The following ASIC2 variants were observed in gnomAD, a reference collection of about 807,000 sequenced individuals.
ASIC2 encodes acid sensing ion channel subunit 2.
A neutral mutation model predicts 57.3 loss-of-function variants in ASIC2; 25 were observed. The observed-to-expected ratio is 0.44, with a 90% CI of 0.32 to 0.61. The LOEUF is 0.61. Among genes scored for constraint, ASIC2 ranks in the 20% least tolerant of loss-of-function variants. The pLI, the probability that ASIC2 is intolerant of heterozygous loss-of-function variation, is 0.06. For missense variants in ASIC2, 641 were observed against 738.1 expected (o/e 0.87, Z 1.52); for synonymous variants, 319 against 307.5 (o/e 1.04, Z -0.39).
At chr17:33,085,888 G>T (rs1026840979) in intron 3 of ASIC2, among the ~76,000 whole-genome samples, 3 of 151,990 alleles carry the variant, frequency 2.0e-5, no homozygotes, top group African/African-American at 7.3e-5. Flanking sequence ...GAGATGATGC[G>T]GAAATGCTTT....
chr17:33,235,199 A>G (rs1004532913), intron 1 of ASIC2, among the ~76,000 whole-genome samples: 8 of 152,188 alleles, frequency 5.3e-5, no homozygotes, highest in Admixed American at 1.3e-4. Flanking sequence ...TCATAGGAAT[A>G]ACCATATACA....
At position 33,328,897 on chromosome 17, in the gene ASIC2, G is replaced by A. The variant is rs570778108; in HGVS notation, c.556-216830C>T. 8.5e-5 allele frequency among the ~76,000 whole-genome samples: 13 copies of A among 152,282 alleles called. No individual in the cohort carries two copies. In the East Asian group the frequency reaches 1.9e-3, roughly 23 times the overall value. On this transcript the variant is annotated intron_variant, in intron 1 of 9. Coordinates refer to the ASIC2 transcript ENST00000359872. ...TCCAGGGGATACCCTGCTAAATATAGTGATTATGTGAATCTGAATGTTTTC... is the reference window on the plus strand; with the variant it reads ...TCCAGGGGATACCCTGCTAAATATAATGATTATGTGAATCTGAATGTTTTC...
At chr17:33,622,110 A>C (rs1482767378) in intron 1 of ASIC2, among the ~76,000 whole-genome samples, 1 of 151,886 alleles carries the variant, frequency 6.6e-6, no homozygotes, top group Non-Finnish European at 1.5e-5. Context: ...TCAGGATCCT[A>C]CTAGGTGCCT....
chr17:33,307,514 T>C (rs1772829391), intron 1 of ASIC2, among the ~76,000 whole-genome samples: 2 of 152,150 alleles, frequency 1.3e-5, no homozygotes, highest in African/African-American at 4.8e-5. Flanking sequence ...TTCACCATGT[T>C]GGCCAGACTA....
intron 1 of ASIC2, among the ~76,000 whole-genome samples, chr17:33,321,908 T>G (rs145125499): frequency 1.3e-5 from 2 of 152,214 alleles, no homozygotes; most frequent in Admixed American, 1.3e-4. Flanking sequence ...ACCAGACATT[T>G]CACAGCATTA....
rs73983990 is a variant in ASIC2, at chr17:33,563,743, T to C, written c.556-451676A>G. On this transcript the variant is annotated intron_variant, in intron 1 of 9. Coordinates refer to the ASIC2 transcript ENST00000359872. ...TCAGAGACCATCTAGTAGAACCCCA[T>C]AGCTTTTAATATGGCGAATCCAAGG... Among the ~76,000 whole-genome samples, 567 of 152,184 alleles carry C rather than the reference T, an allele frequency of 3.7e-3. 4 individuals carry two copies. The highest frequency in any genetic ancestry group is 0.013 in the African/African-American group (534 of 41,534).
intron 1 of ASIC2, among the ~76,000 whole-genome samples, chr17:33,139,445 T>G (rs1456281770): frequency 6.6e-6 from 1 of 152,232 alleles, no homozygotes; most frequent in African/African-American, 2.4e-5. Flanking sequence ...TATGATCCCC[T>G]TTTTGCTTAT....
At chr17:33,320,533 G>A (rs1000374628) in intron 1 of ASIC2, among the ~76,000 whole-genome samples, 3 of 152,192 alleles carry the variant, frequency 2.0e-5, no homozygotes, top group African/African-American at 4.8e-5. Context: ...TGGTGCCAGT[G>A]CCAGGTTAGT....
chr17:33,589,727 C>CAT (rs913273247), intron 1 of ASIC2, among the ~76,000 whole-genome samples: 13 of 151,906 alleles, frequency 8.6e-5, no homozygotes, highest in African/African-American at 1.7e-4. Context: ...GAATAATATT[C>CAT]ATATATATAT....
At chr17:33,323,370 C>G (rs1906944965) in intron 1 of ASIC2, among the ~76,000 whole-genome samples, 1 of 152,170 alleles carries the variant, frequency 6.6e-6, no homozygotes, top group Admixed American at 6.5e-5. Flanking sequence ...TGATCCATGA[C>G]TACAGGCAAC....
chr17:33,674,558 C>T (rs964193243), intron 1 of ASIC2, among the ~76,000 whole-genome samples: 12 of 152,178 alleles, frequency 7.9e-5, no homozygotes, highest in Admixed American at 2.0e-4. Flanking sequence ...ATGTGTGTGT[C>T]ATTTAAGTCT....
chr17:33,761,686 T>A (rs188686109), intron 1 of ASIC2, among the ~76,000 whole-genome samples: 3 of 152,250 alleles, frequency 2.0e-5, no homozygotes, highest in Admixed American at 1.3e-4. Flanking sequence ...CCAGTTACCA[T>A]GGAGCCCCTC....
chr17:33,111,494 T>C (rs1334697455), intron 2 of ASIC2, among the ~76,000 whole-genome samples: 5 of 152,070 alleles, frequency 3.3e-5, no homozygotes, highest in African/African-American at 1.2e-4. Flanking sequence ...TCCCAGCCCC[T>C]CCAGCTTCCC....
chr17:33,264,722 C>G (rs1597657052), intron 1 of ASIC2, among the ~76,000 whole-genome samples: 1 of 152,230 alleles, frequency 6.6e-6, no homozygotes, highest in South Asian at 2.1e-4. Flanking sequence ...ACTCAGTTCC[C>G]TTCTCTGGGC....
chr17:33,095,538 T>C (rs1598272430), intron 2 of ASIC2, among the ~76,000 whole-genome samples: 1 of 146,952 alleles, frequency 6.8e-6, no homozygotes, highest in African/African-American at 2.7e-5. Flanking sequence ...CCACCCTCCT[T>C]GTTTTACAGA....
At chr17:33,203,240 A>G (rs978728136) in intron 1 of ASIC2, among the ~76,000 whole-genome samples, 3 of 152,232 alleles carry the variant, frequency 2.0e-5, no homozygotes, top group African/African-American at 7.2e-5. Flanking sequence ...GTGGATTTTT[A>G]TAGCCCCAAA....
At chr17:33,221,212 A>G (rs1907680693) in intron 1 of ASIC2, among the ~76,000 whole-genome samples, 1 of 152,174 alleles carries the variant, frequency 6.6e-6, no homozygotes, top group African/African-American at 2.4e-5. Flanking sequence ...GGGCCAAGTC[A>G]CTTTCCCACT....
At chr17:33,107,984 G>A (rs529453338) in intron 2 of ASIC2, among the ~76,000 whole-genome samples, 23 of 152,284 alleles carry the variant, frequency 1.5e-4, no homozygotes, top group Non-Finnish European at 2.8e-4. Context: ...CTCTGCTTCT[G>A]GAGTGTTTTT....
At chr17:33,648,089 C>T (rs1484051186) in intron 1 of ASIC2, among the ~76,000 whole-genome samples, 2 of 152,112 alleles carry the variant, frequency 1.3e-5, no homozygotes, top group African/African-American at 2.4e-5. Context: ...TCCTTTTTGC[C>T]TCTGAACTGT....
Sources: gnomAD v4.1 joint callset for allele counts (sites outside exome capture counted in the v4.1 genomes callset) on GRCh38, gnomAD v4.1.1 for gene constraint, MANE v1.5 for transcripts, NCBI Gene and HGNC (gene_info 2026-07-23, HGNC 2026-07-21) for gene names.